Variants in CTNNA2 observed in about 807,000 individuals in gnomAD.
CTNNA2 encodes the protein catenin alpha-2.
Under a neutral mutation model 101.0 loss-of-function variants are expected in CTNNA2, and 42 were observed. That is an observed-to-expected ratio of 0.42 (90% CI 0.32 to 0.54). The LOEUF (loss-of-function observed/expected upper bound fraction) is 0.54. CTNNA2 is among the 20% of genes least tolerant of loss of function. CTNNA2 has a pLI of 0.14. For synonymous variants in CTNNA2, 450 were observed against 456.4 expected, an observed-to-expected ratio of 0.99 and a Z score of 0.18; for missense variants, 871 against 1,223.1, an observed-to-expected ratio of 0.71 and a Z score of 4.29.
At chr2:80,552,620 G>GT (rs1162114813) in intron 11 of CTNNA2, among the ~76,000 whole-genome samples, 2 of 151,714 alleles carry the variant, frequency 1.3e-5, no homozygotes, top group Non-Finnish European at 2.9e-5. Flanking sequence ...TCATCACTGT[G>GT]TGAACATCAC....
chr2:80,314,351 A>C (rs776079143), intron 7 of CTNNA2, among the ~76,000 whole-genome samples: 4 of 152,220 alleles, frequency 2.6e-5, no homozygotes, highest in Non-Finnish European at 5.9e-5. Flanking sequence ...AACTGTATTC[A>C]GCTTAAGGAA....
intron 1 of CTNNA2, 97 bp from the exon 2 acceptor site, chr2:79,651,455 A>T: frequency 8.8e-7 from 1 of 1,135,278 alleles, no homozygotes. Context: ...ATCTTCCAGT[A>T]TGTTCTAAGT....
intron 3 of CTNNA2, among the ~76,000 whole-genome samples, chr2:79,759,111 T>C (rs752201997): frequency 2.9e-4 from 44 of 152,292 alleles, no homozygotes; most frequent in Non-Finnish European, 4.9e-4. Context: ...AATTACCTCA[T>C]CTTAAACTAA....
At chr2:79,770,088 A>G (rs1673464151) in intron 3 of CTNNA2, among the ~76,000 whole-genome samples, 1 of 152,152 alleles carries the variant, frequency 6.6e-6, no homozygotes, top group African/African-American at 2.4e-5. Context: ...GTATGGAGGC[A>G]TTTTTGGTTG....
chr2:79,208,964 T>A (rs1369019089), intron 2 of CTNNA2, among the ~76,000 whole-genome samples: 1 of 152,076 alleles, frequency 6.6e-6, no homozygotes, highest in East Asian at 1.9e-4. Flanking sequence ...CTCATGTGGA[T>A]GTGAAGGAGA....
rs535961196 is a variant in CTNNA2, at chr2:80,196,020, A to T, written c.1057-197191A>T. Among the ~76,000 whole-genome samples the T allele has an allele frequency of 5.3e-5, 8 of 152,306 alleles. No homozygotes were observed. The East Asian group carries it at 1.4e-3, about 26-fold the overall frequency. Reference sequence around the variant, plus strand: ...TATCAAACAGTAAATGAAAAATACCATTATATTAAAAATAGATAAGTGATA... The same window carrying T: ...TATCAAACAGTAAATGAAAAATACCTTTATATTAAAAATAGATAAGTGATA... On this transcript the variant is annotated intron_variant, in intron 7 of 18. Transcript: ENST00000402739.
chr2:79,545,721 C>T (rs1012728085), intron 1 of CTNNA2, among the ~76,000 whole-genome samples: 10 of 152,166 alleles, frequency 6.6e-5, no homozygotes, highest in South Asian at 6.2e-4. Flanking sequence ...TGATAACTCT[C>T]GATTTAGGCA....
chr2:80,326,915 T>C (rs1261985577), intron 7 of CTNNA2, among the ~76,000 whole-genome samples: 1 of 152,190 alleles, frequency 6.6e-6, no homozygotes, highest in Admixed American at 6.5e-5. Context: ...TTTTTCTCAG[T>C]TGTCAAAAGT....
chr2:80,556,209 TGA>T (rs1320370099), intron 12 of CTNNA2, among the ~76,000 whole-genome samples: 4 of 152,204 alleles, frequency 2.6e-5, no homozygotes, highest in African/African-American at 9.6e-5. Flanking sequence ...TTTTATGACT[TGA>T]GAAAATTATG....
chr2:80,503,577 CA>C (rs1688041211), intron 9 of CTNNA2, among the ~76,000 whole-genome samples: 1 of 152,108 alleles, frequency 6.6e-6, no homozygotes, highest in African/African-American at 2.4e-5. Flanking sequence ...TCTTGAAAAA[CA>C]AACAAACTTT....
At chr2:80,584,577 G>A (rs1210004073) in intron 14 of CTNNA2, among the ~76,000 whole-genome samples, 2 of 151,818 alleles carry the variant, frequency 1.3e-5, no homozygotes, top group Non-Finnish European at 2.9e-5. Context: ...AGTTAAAATA[G>A]GTTAGTGACA....
intron 7 of CTNNA2, among the ~76,000 whole-genome samples, chr2:80,103,425 C>A (rs890202086): frequency 6.6e-6 from 1 of 152,068 alleles, no homozygotes; most frequent in Non-Finnish European, 1.5e-5. Flanking sequence ...TCATTTTGCC[C>A]GTATTACCTT....
At chr2:79,601,649 T>C (rs1677559705) in intron 1 of CTNNA2, among the ~76,000 whole-genome samples, 1 of 152,254 alleles carries the variant, frequency 6.6e-6, no homozygotes, top group South Asian at 2.1e-4. Flanking sequence ...AAACATCACA[T>C]TGCTTAAGAA....
At chr2:80,533,551 C>A (rs780714488) in intron 9 of CTNNA2, among the ~76,000 whole-genome samples, 66 of 152,176 alleles carry the variant, frequency 4.3e-4, no homozygotes, top group Admixed American at 1.1e-3. Flanking sequence ...TCATCTGGAT[C>A]TTCATTCTGG....
intron 3 of CTNNA2, among the ~76,000 whole-genome samples, chr2:79,810,891 T>G (rs1014939923): frequency 6.6e-6 from 1 of 151,794 alleles, no homozygotes; most frequent in Non-Finnish European, 1.5e-5. Context: ...TATTCCATGG[T>G]GTATATATGC....
chr2:79,855,406 C>T (rs1681047688), intron 3 of CTNNA2, among the ~76,000 whole-genome samples: 1 of 152,184 alleles, frequency 6.6e-6, no homozygotes, highest in African/African-American at 2.4e-5. Flanking sequence ...AATGCCAGTA[C>T]ACTTCTGCCA....
intron 7 of CTNNA2, among the ~76,000 whole-genome samples, chr2:80,025,697 A>G (rs899575326): frequency 3.3e-5 from 5 of 152,288 alleles, no homozygotes; most frequent in African/African-American, 1.2e-4. Context: ...AGATTTCAAT[A>G]TGGGCTTAAG....
chr2:80,087,703 T>G (rs556780858), intron 7 of CTNNA2, among the ~76,000 whole-genome samples: 1 of 152,152 alleles, frequency 6.6e-6, no homozygotes, highest in South Asian at 2.1e-4. Context: ...AATGCAGATT[T>G]TATTCAGTAC....
intron 9 of CTNNA2, among the ~76,000 whole-genome samples, chr2:80,476,390 G>T (rs1685732310): frequency 6.6e-6 from 1 of 152,040 alleles, no homozygotes; most frequent in African/African-American, 2.4e-5. Context: ...CAGGGGAAAA[G>T]GTGGAAAAAT....
Sources: gnomAD v4.1 joint callset for allele counts (sites outside exome capture counted in the v4.1 genomes callset) on GRCh38, gnomAD v4.1.1 for gene constraint, MANE v1.5 for transcripts, NCBI Gene and HGNC (gene_info 2026-07-23, HGNC 2026-07-21) for gene names.